The following LIMCH1 variants were observed in gnomAD, a reference collection of about 807,000 sequenced individuals.
LIMCH1 encodes LIM and calponin homology domains 1.
In LIMCH1, 113 loss-of-function variants were observed where a neutral mutation model predicts 176.5. The ratio of observed to expected loss-of-function variants is 0.64; its 90% CI spans 0.55 to 0.75. LIMCH1 has a LOEUF of 0.75. Ranked by LOEUF, LIMCH1 falls within the 30% of genes least tolerant of loss-of-function variation. The pLI is 0.00. For synonymous variants in LIMCH1, 619 were observed against 645.9 expected, an observed-to-expected ratio of 0.96 and a Z score of 0.63; for missense variants, 1,674 against 1,814.9, an observed-to-expected ratio of 0.92 and a Z score of 1.41.
intron 1 of LIMCH1, among the ~76,000 whole-genome samples, chr4:41,442,240 C>T (rs1464129944): frequency 6.6e-6 from 1 of 152,066 alleles, no homozygotes; most frequent in Non-Finnish European, 1.5e-5. Flanking sequence ...GTTGAGGCTG[C>T]AGTGAGCCAT....
chr4:41,442,959 G>C lies in LIMCH1; in HGVS notation c.97-51577G>C, dbSNP rs143827416. On this transcript the variant is annotated intron_variant, in intron 1 of 26. Transcript: ENST00000313860. Reference sequence around the variant, plus strand: ...GTGTGATTCTTTTGTGTAGCTGTTTGTTTAGCAATTCAGGAAGTGACTTAA... The same window carrying C: ...GTGTGATTCTTTTGTGTAGCTGTTTCTTTAGCAATTCAGGAAGTGACTTAA... Among the ~76,000 whole-genome samples, 50 of 152,266 alleles carry C rather than the reference G, an allele frequency of 3.3e-4. 1 individual carries two copies. In the East Asian group the frequency reaches 7.7e-3, roughly 23 times the overall value.
chr4:41,396,563 C>A (rs967420396), intron 1 of LIMCH1, among the ~76,000 whole-genome samples: 4 of 151,770 alleles, frequency 2.6e-5, no homozygotes, highest in African/African-American at 9.7e-5. Context: ...TTTGTTTTTG[C>A]ACCTGACTTT....
chr4:41,670,815 GT>G (rs1233513163), intron 21 of LIMCH1: 2 of 1,534,944 alleles, frequency 1.3e-6, no homozygotes, highest in Non-Finnish European at 1.7e-6. Flanking sequence ...CTGGGTAGCT[GT>G]ATTTCTTTTG....
chr4:41,581,805 C>CAAAAAAAAAAAAAAAAAA (rs56150312), intron 1 of LIMCH1, among the ~76,000 whole-genome samples: 30 of 76,184 alleles, frequency 3.9e-4, no homozygotes, highest in South Asian at 9.5e-4. Flanking sequence ...GACTCTGTCT[C>CAAAAAAAAAAAAAAAAAA]AAAAAAAAAA....
At chr4:41,379,468 A>G (rs1415839099) in intron 1 of LIMCH1, among the ~76,000 whole-genome samples, 1 of 152,332 alleles carries the variant, frequency 6.6e-6, no homozygotes, top group Non-Finnish European at 1.5e-5. Context: ...CTTATCTGCC[A>G]CTGTATCAGC....
chr4:41,390,269 A>AGAGAGACAGC (rs760332127), intron 1 of LIMCH1, among the ~76,000 whole-genome samples: 1 of 150,304 alleles, frequency 6.7e-6, no homozygotes. Flanking sequence ...AGAGAGAGAG[A>AGAGAGACAGC]GAGAGCGAGA....
rs537280608 is a variant in LIMCH1 at position 41,466,059 on chromosome 4, A to G, written c.97-28477A>G. On this transcript the variant is annotated intron_variant, in intron 1 of 26. Transcript: ENST00000313860. Reference sequence around the variant, plus strand: ...CTGCAACCTCCGCCTGCTGGATTCAAGTGATTCTCCCGTTTCAGCCTCCTG... The same window carrying G: ...CTGCAACCTCCGCCTGCTGGATTCAGGTGATTCTCCCGTTTCAGCCTCCTG... 2.0e-5 allele frequency among the ~76,000 whole-genome samples: 3 copies of G among 151,328 alleles called. No individual in the cohort carries two copies. The East Asian group carries it at 5.9e-4, about 30-fold the overall frequency.
chr4:41,583,280 G>A (rs1396256046), intron 1 of LIMCH1, among the ~76,000 whole-genome samples: 1 of 152,166 alleles, frequency 6.6e-6, no homozygotes, highest in Non-Finnish European at 1.5e-5. Context: ...GCTTAGGAAA[G>A]GGTCCTCTGC....
At chr4:41,375,493 T>C (rs2054602616) in intron 1 of LIMCH1, among the ~76,000 whole-genome samples, 1 of 152,276 alleles carries the variant, frequency 6.6e-6, no homozygotes, top group South Asian at 2.1e-4. Flanking sequence ...ACTGAATTAC[T>C]GTAACTTTAA....
In LIMCH1 at chr4:41,613,618, G is replaced by T; in HGVS notation, c.162G>T (p.Arg54=). 1 of 1,614,142 alleles carries T rather than the reference G, an allele frequency of 6.2e-7. No homozygotes were observed. The highest frequency in any genetic ancestry group is 8.5e-7 in the Non-Finnish European group (1 of 1,180,032). The change falls in exon 5 of 32, where the codon CGG becomes CGT. Residue 54 remains arginine, a synonymous_variant. Coordinates refer to ENST00000503057, the MANE Select transcript of LIMCH1 (RefSeq NM_001330672.2). ...TGGATTCCTTTGGCTCTCGCTCTCGGCAGACGCCTTCACCAGATGTAGTCC... is the reference window on the plus strand; with the variant it reads ...TGGATTCCTTTGGCTCTCGCTCTCGTCAGACGCCTTCACCAGATGTAGTCC... ...DSLDSFGSRS[R]QTPSPDVVLR...
At chr4:41,671,450 TA>T in intron 21 of LIMCH1, 103 bp from the exon 22 acceptor site, 1 of 794,266 alleles carries the variant, frequency 1.3e-6, no homozygotes, top group South Asian at 1.7e-5. Context: ...AAAATTGGTT[TA>T]AAGCTGATGT....
chr4:41,456,458 C>T (rs1195810114), intron 1 of LIMCH1, among the ~76,000 whole-genome samples: 1 of 152,110 alleles, frequency 6.6e-6, no homozygotes, highest in Non-Finnish European at 1.5e-5. Context: ...GACAAAATTG[C>T]TTTTTTATCA....
chr4:41,422,335 G>T (rs912479483), intron 1 of LIMCH1, among the ~76,000 whole-genome samples: 1 of 151,856 alleles, frequency 6.6e-6, no homozygotes, highest in Non-Finnish European at 1.5e-5. Flanking sequence ...TTATAGGCGC[G>T]CATCACCATG....
chr4:41,380,337 G>T (rs188833728), intron 1 of LIMCH1, among the ~76,000 whole-genome samples: 1 of 151,916 alleles, frequency 6.6e-6, no homozygotes, highest in Non-Finnish European at 1.5e-5. Flanking sequence ...TGTAGAGATG[G>T]TATCTCACTT....
rs7695538 is a variant in LIMCH1 at position 41,676,820 on chromosome 4, G to A, written c.3519+358G>A. 6.4e-3 allele frequency among the ~76,000 whole-genome samples: 967 copies of A among 152,248 alleles called. 5 individuals are homozygous for A. Among genetic ancestry groups the A allele is most frequent in the African/African-American group, 0.022 (926 of 41,520 alleles). On this transcript the variant is annotated intron_variant, in intron 23 of 31. Transcript: ENST00000503057. ...CTAAAAGCTCTCTGCTAGCATACAC[G>A]TGAAATAAAATTTAGCCTCAGTCTA...
upstream of LIMCH1, among the ~76,000 whole-genome samples, chr4:41,534,471 T>C (rs557148410): frequency 2.6e-5 from 4 of 152,294 alleles, no homozygotes; most frequent in East Asian, 3.9e-4. Flanking sequence ...ATGCCATTAA[T>C]AGGAATCATG....
At chr4:41,432,686 A>G (rs949763708) in intron 1 of LIMCH1, among the ~76,000 whole-genome samples, 3 of 152,188 alleles carry the variant, frequency 2.0e-5, no homozygotes, top group Non-Finnish European at 4.4e-5. Flanking sequence ...CCTGAATGAC[A>G]GCTATAGTTT....
chr4:41,433,859 C>G (rs569230116), intron 1 of LIMCH1, among the ~76,000 whole-genome samples: 2 of 151,926 alleles, frequency 1.3e-5, no homozygotes, highest in Admixed American at 1.3e-4. Flanking sequence ...GTGGCATGTC[C>G]CTATAGGAGG....
intron 1 of LIMCH1, among the ~76,000 whole-genome samples, chr4:41,588,459 G>A (rs144860676): frequency 5.9e-5 from 9 of 152,198 alleles, no homozygotes; most frequent in Middle Eastern, 3.4e-3. Flanking sequence ...ACTGATGTGG[G>A]AGCTCATAAA....
Sources: gnomAD v4.1 joint callset for allele counts (sites outside exome capture counted in the v4.1 genomes callset) on GRCh38, gnomAD v4.1.1 for gene constraint, MANE v1.5 for transcripts, NCBI Gene and HGNC (gene_info 2026-07-23, HGNC 2026-07-21) for gene names.